GALNTL6: variants seen among roughly 807,000 people sequenced by gnomAD.
GALNTL6 encodes polypeptide N-acetylgalactosaminyltransferase-like 6.
A neutral mutation model predicts 73.7 loss-of-function variants in GALNTL6; 46 were observed. The observed-to-expected ratio is 0.62, with a 90% CI of 0.49 to 0.80. The LOEUF is 0.80. Among genes scored for constraint, GALNTL6 ranks in the 30% least tolerant of loss-of-function variants. The pLI is 0.00. For missense variants in GALNTL6, 604 were observed against 755.0 expected, an observed-to-expected ratio of 0.80 and a Z score of 2.34; for synonymous variants, 259 against 263.7, an observed-to-expected ratio of 0.98 and a Z score of 0.17.
chr4:172,222,461 T>C (rs10520225), intron 2 of GALNTL6, among the ~76,000 whole-genome samples: 15,308 of 151,912 alleles, frequency 0.1, 915 homozygotes, highest in East Asian at 0.3. Flanking sequence ...CACCCTGTAA[T>C]TTGTGTGGTT....
chr4:172,858,032 G>A (rs1373751592), intron 7 of GALNTL6, among the ~76,000 whole-genome samples: 1 of 152,208 alleles, frequency 6.6e-6, no homozygotes, highest in Non-Finnish European at 1.5e-5. Flanking sequence ...CTGTGTCCTT[G>A]AGAAGTATCT....
chr4:173,026,437 C>A (rs1345652824), intron 12 of GALNTL6, among the ~76,000 whole-genome samples: 1 of 152,160 alleles, frequency 6.6e-6, no homozygotes, highest in Non-Finnish European at 1.5e-5. Context: ...ACAGACAGAA[C>A]CATTCTTAAG....
chr4:172,227,497 G>A (rs1045620587), intron 2 of GALNTL6, among the ~76,000 whole-genome samples: 4 of 152,122 alleles, frequency 2.6e-5, no homozygotes, highest in African/African-American at 4.8e-5. Flanking sequence ...GTCGAAGAGA[G>A]AACCCAGAAG....
At chr4:171,857,417 G>A (rs963626895) in intron 2 of GALNTL6, among the ~76,000 whole-genome samples, 1 of 152,152 alleles carries the variant, frequency 6.6e-6, no homozygotes, top group African/African-American at 2.4e-5. Context: ...TGTTTCAGAT[G>A]TGGTGGTGAT....
intron 5 of GALNTL6, among the ~76,000 whole-genome samples, chr4:172,661,497 C>T (rs1731370768): frequency 6.6e-6 from 1 of 152,002 alleles, no homozygotes; most frequent in Admixed American, 6.6e-5. Context: ...ACAAGATGAA[C>T]TTCAGGAATG....
chr4:172,639,020 T>C (rs1739835325), intron 5 of GALNTL6, among the ~76,000 whole-genome samples: 1 of 152,158 alleles, frequency 6.6e-6, no homozygotes. Flanking sequence ...TATGAGGTGC[T>C]ACATGATGTT....
chr4:172,388,948 T>C (rs1213291831), intron 5 of GALNTL6, among the ~76,000 whole-genome samples: 1 of 151,422 alleles, frequency 6.6e-6, no homozygotes, highest in African/African-American at 2.4e-5. Context: ...ATATCTATAT[T>C]TTTGGTGAAC....
At chr4:172,057,715 A>ATAT (rs1473529710) in intron 2 of GALNTL6, among the ~76,000 whole-genome samples, 5 of 104,856 alleles carry the variant, frequency 4.8e-5, no homozygotes, top group Admixed American at 4.1e-4. Context: ...AAAAAAAAAA[A>ATAT]AAAAAAAAAA....
intron 5 of GALNTL6, among the ~76,000 whole-genome samples, chr4:172,779,365 A>C (rs1739254041): frequency 1.3e-5 from 2 of 152,202 alleles, no homozygotes; most frequent in African/African-American, 2.4e-5. Context: ...AACTCTCCTA[A>C]ATACCTGGCA....
At chr4:172,037,553 A>G (rs1741963477) in intron 2 of GALNTL6, among the ~76,000 whole-genome samples, 1 of 152,054 alleles carries the variant, frequency 6.6e-6, no homozygotes, top group African/African-American at 2.4e-5. Flanking sequence ...TGTCCCTCCT[A>G]TTATGCTATC....
chr4:172,120,147 G>A (rs1733108431), intron 2 of GALNTL6, among the ~76,000 whole-genome samples: 1 of 152,126 alleles, frequency 6.6e-6, no homozygotes, highest in South Asian at 2.1e-4. Context: ...TCATAATAGA[G>A]CCATAATAGG....
intron 3 of GALNTL6, among the ~76,000 whole-genome samples, chr4:172,236,046 CT>C (rs751905172): frequency 4.5e-4 from 69 of 152,188 alleles, no homozygotes; most frequent in Non-Finnish European, 1.3e-4. Flanking sequence ...TTTATACCTC[CT>C]AATTTCAGTC....
At chr4:171,956,494 A>G (rs1305643817) in intron 2 of GALNTL6, among the ~76,000 whole-genome samples, 5 of 152,184 alleles carry the variant, frequency 3.3e-5, no homozygotes, top group African/African-American at 7.2e-5. Context: ...AAGATCAAGT[A>G]CAATCAATTG....
intron 2 of GALNTL6, among the ~76,000 whole-genome samples, chr4:172,025,165 G>A (rs77470866): frequency 6.6e-6 from 1 of 151,886 alleles, no homozygotes; most frequent in Admixed American, 6.6e-5. Flanking sequence ...TTCCAAATAA[G>A]GGGCTCCTAA....
chr4:172,429,195 ATTATTTTATT>A lies in GALNTL6; in HGVS notation c.553+80529_553+80538del, dbSNP rs70944409. ...GTTTTATTATTTTATTTTATTTTAT[ATTATTTTATT>A]TTATTTTATTTTATTTTATTTTTTG... On this transcript the variant is annotated intron_variant, in intron 5 of 12. Transcript: ENST00000506823. 1.9e-3 allele frequency among the ~76,000 whole-genome samples: 249 copies of A among 133,784 alleles called. 1 individual carries two copies. Among genetic ancestry groups the A allele is most frequent in the Non-Finnish European group, 2.9e-3 (184 of 63,286 alleles). 87.8% of individuals were successfully genotyped at this position (133,784 alleles called of 152,430 possible). A position where few individuals can be genotyped will look rare whatever the true frequency, so the allele number is the denominator to read the frequency against.
chr4:172,818,800 T>C (rs1275633953), intron 7 of GALNTL6, among the ~76,000 whole-genome samples: 1 of 152,188 alleles, frequency 6.6e-6, no homozygotes. Context: ...GGTTTTGCCA[T>C]GTTGGTCAGG....
chr4:172,911,643 C>G lies in GALNTL6; in HGVS notation c.1042-19518C>G, dbSNP rs909644208. Among the ~76,000 whole-genome samples, 10 of 152,312 alleles carry G rather than the reference C, an allele frequency of 6.6e-5. No individual in the cohort carries two copies. In the East Asian group the frequency reaches 1.9e-3, roughly 29 times the overall value. ...ATATTAAAATGACTCTAAACTCATT[C>G]AGAAACTCAAAGATAAACAGAAACA... On this transcript the variant is annotated intron_variant, in intron 8 of 12. Coordinates refer to ENST00000506823, the MANE Select transcript of GALNTL6 (RefSeq NM_001034845.3).
chr4:172,030,675 A>G (rs1027443898), intron 2 of GALNTL6, among the ~76,000 whole-genome samples: 1 of 151,802 alleles, frequency 6.6e-6, no homozygotes, highest in Non-Finnish European at 1.5e-5. Flanking sequence ...GCACCACTGT[A>G]CTCTAGCCTG....
chr4:172,611,199 T>A (rs1019639611), intron 5 of GALNTL6, among the ~76,000 whole-genome samples: 1 of 152,100 alleles, frequency 6.6e-6, no homozygotes, highest in Non-Finnish European at 1.5e-5. Flanking sequence ...AATATTGATA[T>A]GTGCAGATTT....
Sources: gnomAD v4.1 joint callset for allele counts (sites outside exome capture counted in the v4.1 genomes callset) on GRCh38, gnomAD v4.1.1 for gene constraint, MANE v1.5 for transcripts, NCBI Gene and HGNC (gene_info 2026-07-23, HGNC 2026-07-21) for gene names.